HSPG2: variants seen among roughly 807,000 people sequenced by gnomAD.
HSPG2 encodes heparan sulfate proteoglycan 2.
HSPG2 carries 278 observed loss-of-function variants against 526.6 expected under a neutral mutation model. The ratio of observed to expected loss-of-function variants is 0.53; its 90% CI spans 0.48 to 0.58. HSPG2 has a LOEUF of 0.58. Among genes scored for constraint, HSPG2 ranks in the 20% least tolerant of loss-of-function variants. HSPG2 has a pLI of 0.00. For synonymous variants in HSPG2, 2,465 were observed against 2,555.4 expected, an observed-to-expected ratio of 0.96 and a Z score of 1.07; for missense variants, 5,354 against 6,099.5, an observed-to-expected ratio of 0.88 and a Z score of 4.07.
chr1:21,934,504 T>C lies in HSPG2; in HGVS notation c.63+2651A>G, dbSNP rs371877397. On this transcript the variant is annotated intron_variant, in intron 1 of 96. Transcript: ENST00000374695. ...CAGAGACAGGCCAGGCATGATGGCT[T>C]ATGCCTGTCATCCCAACACTTTAGG... Among the ~76,000 whole-genome samples, 10 of 152,212 alleles carry C rather than the reference T, an allele frequency of 6.6e-5. No individual in the cohort carries two copies. In the East Asian group the frequency reaches 1.4e-3, roughly 21 times the overall value.
intron 1 of HSPG2, among the ~76,000 whole-genome samples, chr1:21,911,550 C>T (rs1475212346): frequency 6.6e-6 from 1 of 152,230 alleles, no homozygotes; most frequent in Non-Finnish European, 1.5e-5. Context: ...TGCCTGGCCT[C>T]GCTGTCCCAT....
At chr1:21,861,915 A>C (rs1639820758) in intron 38 of HSPG2, 72 bp from the exon 39 acceptor site, 1 of 1,613,652 alleles carries the variant, frequency 6.2e-7, no homozygotes. Context: ...CTTCTGCCCC[A>C]AAAGCCAGTG....
rs199623122 is a variant in HSPG2, at chr1:21,890,437, C to T, written c.403G>A (p.Val135Met). 77 of 1,613,962 alleles carry T rather than the reference C, an allele frequency of 4.8e-5. No individual in the cohort carries two copies. The highest frequency in any genetic ancestry group is 6.2e-5 in the Non-Finnish European group (73 of 1,180,006). ...GGAGCCCCTTCTCACTTGATGAACACCACACTGACAACCTGGTCTCCGGGA... is the reference window on the plus strand; with the variant it reads ...GGAGCCCCTTCTCACTTGATGAACATCACACTGACAACCTGGTCTCCGGGA... ...KIPGDQVVSV[V>M]FIKELDGWVF... The change falls in exon 5 of 97, where the codon GTG (valine) becomes ATG (methionine). Residue 135 changes from valine to methionine, a missense_variant. Val to Met is a conservative substitution (Grantham distance 21). Coordinates refer to ENST00000374695, the MANE Select transcript of HSPG2 (RefSeq NM_005529.7). This position sits in a 1 kb window ranked among gnomAD's most constrained non-coding sequence, Gnocchi z 4.1.
In HSPG2 at chr1:21,833,151, G is replaced by A. The variant is rs1012200049; in HGVS notation, c.11095+117C>T. ...GGTCTGGGGGCTTCTGGAGAGGGAG[G>A]GCTGAGGGATTGGGGCAGGACTGAG... On this transcript the variant is annotated intron_variant, in intron 80 of 96. Transcript: ENST00000374695. 4.6e-6 allele frequency: 4 copies of A among 862,340 alleles called. No homozygotes were observed. In the Admixed American group the frequency reaches 5.5e-5, roughly 12 times the overall value. 53.4% of individuals were successfully genotyped at this position (862,340 alleles called of 1,614,324 possible). A position where few individuals can be genotyped will look rare whatever the true frequency, so the allele number is the denominator to read the frequency against.
At chr1:21,909,560 T>C (rs1225766987) in intron 1 of HSPG2, among the ~76,000 whole-genome samples, 1 of 152,244 alleles carries the variant, frequency 6.6e-6, no homozygotes, top group African/African-American at 2.4e-5. Context: ...CAGGCTTGTC[T>C]GGCACCCTTC....
intron 1 of HSPG2, among the ~76,000 whole-genome samples, chr1:21,935,432 C>T (rs961793995): frequency 3.3e-5 from 5 of 152,226 alleles, no homozygotes; most frequent in African/African-American, 1.2e-4. Flanking sequence ...CCAACCCACC[C>T]CAGCCCCTAG....
chr1:21,890,961 C>A lies in HSPG2; in HGVS notation c.245-267G>T, dbSNP rs577458991. ...CCAAGTGCTAGTGCAAAAGAGGAGA[C>A]CCCCACAGTTCAGAGGAAGGCTGGA... On this transcript the variant is annotated intron_variant, in intron 3 of 96. Transcript: ENST00000374695. The surrounding 1 kb of genome is among the most constrained non-coding windows in gnomAD (Gnocchi z 4.1). 1.3e-5 allele frequency among the ~76,000 whole-genome samples: 2 copies of A among 152,342 alleles called. No homozygotes were observed. Among genetic ancestry groups the A allele is most frequent in the African/African-American group, 4.8e-5 (2 of 41,580 alleles).
intron 1 of HSPG2, among the ~76,000 whole-genome samples, chr1:21,917,925 T>C (rs894884935): frequency 6.6e-6 from 1 of 152,174 alleles, no homozygotes; most frequent in African/African-American, 2.4e-5. Context: ...CAAAGCTCCT[T>C]GGGGACAGAC....
chr1:21,834,980 A>G, intron 76 of HSPG2, 35 bp from the exon 77 acceptor site: 2 of 1,605,948 alleles, frequency 1.2e-6, no homozygotes, highest in South Asian at 1.1e-5. Flanking sequence ...CAGTGAGATC[A>G]GTCACTGCAG....
intron 69 of HSPG2, 49 bp downstream of exon 69, chr1:21,841,952 AC>A: frequency 6.2e-7 from 1 of 1,608,344 alleles, no homozygotes. Flanking sequence ...GGATGACGGC[AC>A]CCCCATGCCT....
In HSPG2 at chr1:21,851,851, C is replaced by T. The variant is rs766897939; in HGVS notation, c.6946G>A (p.Gly2316Ser). ...AGQYVCRASN[G>S]MEASITVTVT... ...GTGACCGTGATGGAGGCCTCCATGC[C>T]GTTGCTGGCCCGGCAGACGTACTGT... The change falls in exon 54 of 97, where the codon GGC (glycine) becomes AGC (serine). Residue 2316 changes from glycine to serine, a missense_variant. By Grantham distance (56) the Gly-to-Ser change is moderately conservative. Transcript: ENST00000374695. 16 of 1,613,440 alleles carry T rather than the reference C, an allele frequency of 9.9e-6. No individual in the cohort carries two copies. The highest frequency in any genetic ancestry group is 1.1e-5 in the Non-Finnish European group (13 of 1,179,914).
At chr1:21,928,026 C>G (rs886263456) in intron 1 of HSPG2, among the ~76,000 whole-genome samples, 1 of 152,232 alleles carries the variant, frequency 6.6e-6, no homozygotes, top group African/African-American at 2.4e-5. Flanking sequence ...TGCCACATTC[C>G]AGGCACTGAG....
intron 85 of HSPG2, chr1:21,830,690 CAAAAAA>C (rs145627267): frequency 3.2e-4 from 35 of 110,098 alleles, no homozygotes; most frequent in South Asian, 7.0e-4. Flanking sequence ...AACTTCGTCT[CAAAAAA>C]AAAAAAAAAA....
At position 21,841,205 on chromosome 1, in the gene HSPG2, C is replaced by G; in HGVS notation, c.9409G>C (p.Ala3137Pro). 6.2e-7 allele frequency: 1 copy of G among 1,613,874 alleles called. No homozygotes were observed. Among genetic ancestry groups the G allele is most frequent in the Non-Finnish European group, 8.5e-7 (1 of 1,180,040 alleles). ...CGAGCAGAGGAGCGGGGCTCCCCGG[C>G]ACTGACACACTCCAGGGTGACAGCC... is the stretch of plus-strand genomic sequence containing the variant. ...GKAVTLECVSAGEPRSSARWT... is the reference protein window; with the variant it reads ...GKAVTLECVSPGEPRSSARWT... The change falls in exon 71 of 97, where the codon GCC becomes CCC. Residue 3137 changes from alanine (A) to proline (P), a missense_variant. Ala to Pro is a conservative substitution (Grantham distance 27). Transcript: ENST00000374695.
At chr1:21,931,175 T>C (rs1415960367) in intron 1 of HSPG2, among the ~76,000 whole-genome samples, 2 of 152,318 alleles carry the variant, frequency 1.3e-5, no homozygotes, top group Non-Finnish European at 2.9e-5. Context: ...AGGGCTTTCA[T>C]GACAGCACCC....
At chr1:21,924,212 T>C (rs1467883003) in intron 1 of HSPG2, among the ~76,000 whole-genome samples, 4 of 152,118 alleles carry the variant, frequency 2.6e-5, no homozygotes, top group East Asian at 1.9e-4. Flanking sequence ...GAGCAGGGAA[T>C]AGCCAGGCGC....
intron 55 of HSPG2, chr1:21,851,192 C>T (rs1418383234): frequency 1.8e-5 from 6 of 338,966 alleles, no homozygotes; most frequent in Admixed American, 4.4e-5. Flanking sequence ...AGGCTGGTCT[C>T]GAACTCCCGA....
chr1:21,828,723 C>T lies in HSPG2; in HGVS notation c.12237+112G>A, dbSNP rs1323988377. The T allele has an allele frequency of 6.9e-7, 1 of 1,458,838 alleles. No homozygotes were observed. Among genetic ancestry groups the T allele is most frequent in the Non-Finnish European group, 9.3e-7 (1 of 1,071,772 alleles). 90.4% of individuals were successfully genotyped at this position (1,458,838 alleles called of 1,614,324 possible). On this transcript the variant is annotated intron_variant, in intron 88 of 96. Coordinates refer to ENST00000374695, the MANE Select transcript of HSPG2 (RefSeq NM_005529.7). This position sits in a 1 kb window ranked among gnomAD's most constrained non-coding sequence, Gnocchi z 6.0. ...GAGGTACAGTGTCCTGGCCCAGGGC[C>T]CGTGGGTGGCTGCAGGTGGAGGGGC...
chr1:21,868,896 G>A (rs1273705467), intron 33 of HSPG2: 1 of 978,894 alleles, frequency 1.0e-6, no homozygotes, highest in Non-Finnish European at 1.2e-6. Context: ...TTGTCCCCCA[G>A]GAAGGCCCGG....
Sources: allele counts gnomAD v4.1 joint callset (sites outside exome capture counted in the v4.1 genomes callset), GRCh38; gene constraint gnomAD v4.1.1; non-coding constraint Gnocchi (gnomAD v3.1); transcripts MANE v1.5; gene names NCBI Gene and HGNC (gene_info 2026-07-23, HGNC 2026-07-21).